The following SLC9A9 variants were observed in gnomAD, a reference collection of about 807,000 sequenced individuals.
SLC9A9 encodes the protein sodium/hydrogen exchanger 9.
In SLC9A9, 62 loss-of-function variants were observed where a neutral mutation model predicts 77.8. That is an observed-to-expected ratio of 0.80 (90% CI 0.65 to 0.98). The LOEUF is 0.98. Among genes scored for constraint, SLC9A9 ranks in the 50% least tolerant of loss-of-function variants. The pLI is 0.00. For synonymous variants in SLC9A9, 320 were observed against 283.5 expected (o/e 1.13, Z -1.29); for missense variants, 775 against 774.9 (o/e 1.00, Z 0.00).
intron 6 of SLC9A9, among the ~76,000 whole-genome samples, chr3:143,589,763 G>C (rs887868284): frequency 1.3e-5 from 2 of 152,148 alleles, no homozygotes; most frequent in African/African-American, 4.8e-5. Context: ...AAGGTAACTT[G>C]CAGGTAAATG....
At chr3:143,288,503 A>T (rs1938444487) in intron 14 of SLC9A9, among the ~76,000 whole-genome samples, 1 of 152,196 alleles carries the variant, frequency 6.6e-6, no homozygotes, top group Non-Finnish European at 1.5e-5. Context: ...TCTGAATTAC[A>T]AAAGGAAGAC....
intron 6 of SLC9A9, among the ~76,000 whole-genome samples, chr3:143,612,982 A>G (rs1323838019): frequency 6.6e-6 from 1 of 152,236 alleles, no homozygotes; most frequent in East Asian, 1.9e-4. Context: ...GGGCTGAAAT[A>G]TGTGACAAAC....
intron 14 of SLC9A9, among the ~76,000 whole-genome samples, chr3:143,318,083 G>A (rs1024552871): frequency 2.6e-5 from 4 of 152,274 alleles, no homozygotes; most frequent in African/African-American, 7.2e-5. Flanking sequence ...GCATCCCAAT[G>A]GGATTTCTAG....
chr3:143,485,127 G>A, intron 11 of SLC9A9, among the ~76,000 whole-genome samples: 1 of 152,244 alleles, frequency 6.6e-6, no homozygotes, highest in Admixed American at 6.5e-5. Context: ...GCTGTGCCAA[G>A]TGTTCCTGGA....
chr3:143,723,263 TGAAAC>T (rs1934549948), intron 4 of SLC9A9, among the ~76,000 whole-genome samples: 1 of 150,712 alleles, frequency 6.6e-6, no homozygotes, highest in East Asian at 1.9e-4. Context: ...AAAAAAAAAA[TGAAAC>T]AAAAACAAAG....
intron 4 of SLC9A9, among the ~76,000 whole-genome samples, chr3:143,703,202 T>C (rs1412614915): frequency 1.3e-5 from 2 of 152,090 alleles, no homozygotes; most frequent in African/African-American, 4.8e-5. Context: ...AGACTTACTC[T>C]ACACTATAGA....
intron 4 of SLC9A9, among the ~76,000 whole-genome samples, chr3:143,769,823 T>A (rs927352609): frequency 3.5e-4 from 54 of 152,182 alleles, no homozygotes; most frequent in African/African-American, 1.3e-3. Context: ...GGATGGATGA[T>A]GTTTACATGC....
At chr3:143,323,986 G>A (rs2031499833) in intron 14 of SLC9A9, among the ~76,000 whole-genome samples, 1 of 151,864 alleles carries the variant, frequency 6.6e-6, no homozygotes, top group Non-Finnish European at 1.5e-5. Flanking sequence ...TATATACTTT[G>A]TCCCAATGTA....
chr3:143,582,810 A>C (rs1054810127), intron 6 of SLC9A9, among the ~76,000 whole-genome samples: 1 of 152,174 alleles, frequency 6.6e-6, no homozygotes, highest in Non-Finnish European at 1.5e-5. Context: ...AGGATGTTCT[A>C]TAAGCAAAGT....
intron 6 of SLC9A9, among the ~76,000 whole-genome samples, chr3:143,607,761 A>G (rs1022942506): frequency 6.6e-6 from 1 of 151,984 alleles, no homozygotes; most frequent in East Asian, 1.9e-4. Flanking sequence ...AAAAGCATTT[A>G]CATTGAAAAC....
chr3:143,493,097 A>T (rs537988684), intron 11 of SLC9A9, among the ~76,000 whole-genome samples: 1 of 152,344 alleles, frequency 6.6e-6, no homozygotes, highest in African/African-American at 2.4e-5. Flanking sequence ...CAGTTTCATC[A>T]ATCAGTGCCC....
intron 14 of SLC9A9, among the ~76,000 whole-genome samples, chr3:143,272,758 T>C (rs1012328173): frequency 6.6e-6 from 1 of 152,184 alleles, no homozygotes; most frequent in Non-Finnish European, 1.5e-5. Context: ...AGGTTCCCCA[T>C]TGGGTATTTT....
At chr3:143,536,766 C>G (rs1161281617) in intron 9 of SLC9A9, among the ~76,000 whole-genome samples, 1 of 152,220 alleles carries the variant, frequency 6.6e-6, no homozygotes, top group Non-Finnish European at 1.5e-5. Context: ...AGTTCTAAGT[C>G]TCCACCTACT....
chr3:143,374,561 T>A (rs2033136945), intron 13 of SLC9A9, among the ~76,000 whole-genome samples: 1 of 151,870 alleles, frequency 6.6e-6, no homozygotes, highest in Admixed American at 6.6e-5. Flanking sequence ...TTAAGCACTA[T>A]TTAACAGATA....
At chr3:143,669,878 C>T (rs868866222) in intron 5 of SLC9A9, among the ~76,000 whole-genome samples, 4 of 152,084 alleles carry the variant, frequency 2.6e-5, no homozygotes, top group African/African-American at 2.4e-5. Context: ...AAATGTTTGG[C>T]ATATTGTAAG....
At chr3:143,325,668 G>A (rs574508106) in intron 14 of SLC9A9, among the ~76,000 whole-genome samples, 120 of 152,328 alleles carry the variant, frequency 7.9e-4, no homozygotes, top group African/African-American at 2.7e-3. Context: ...AGTTCCACAG[G>A]ACATGTCCAC....
intron 14 of SLC9A9, among the ~76,000 whole-genome samples, chr3:143,281,587 T>C (rs1156900022): frequency 6.6e-6 from 1 of 152,080 alleles, no homozygotes; most frequent in African/African-American, 2.4e-5. Flanking sequence ...GACTACACAG[T>C]GTGTGTGACT....
At chr3:143,684,395 C>A (rs1384635812) in intron 5 of SLC9A9, among the ~76,000 whole-genome samples, 3 of 151,974 alleles carry the variant, frequency 2.0e-5, no homozygotes, top group African/African-American at 7.2e-5. Flanking sequence ...TGAAAAAAAT[C>A]ATGGACTGTA....
In SLC9A9 at chr3:143,775,721, T is replaced by A. The variant is rs72993308; in HGVS notation, c.533+19280A>T. Among the ~76,000 whole-genome samples, 664 of 152,346 alleles carry A rather than the reference T, an allele frequency of 4.4e-3. 8 individuals carry two copies. Among genetic ancestry groups the A allele is most frequent in the African/African-American group, 0.015 (628 of 41,570 alleles). On this transcript the variant is annotated intron_variant, in intron 4 of 15. Transcript: ENST00000316549. Reference sequence around the variant, plus strand: ...CTGTTTAACATCCATTTTAATATAATCCACACTTCATTCTTCACATGTTTA... The same window carrying A: ...CTGTTTAACATCCATTTTAATATAAACCACACTTCATTCTTCACATGTTTA...
Sources: gnomAD v4.1 joint callset for allele counts (sites outside exome capture counted in the v4.1 genomes callset) on GRCh38, gnomAD v4.1.1 for gene constraint, MANE v1.5 for transcripts, NCBI Gene and HGNC (gene_info 2026-07-23, HGNC 2026-07-21) for gene names.